The following FBP2 variants were observed in gnomAD, a reference collection of about 807,000 sequenced individuals.
FBP2 encodes the protein fructose-bisphosphatase 2.
A neutral mutation model predicts 31.6 loss-of-function variants in FBP2; 27 were observed. That is an observed-to-expected ratio of 0.85 (90% CI 0.63 to 1.18). FBP2 has a LOEUF of 1.18. Among genes scored for constraint, FBP2 ranks in the 50% most tolerant of loss-of-function variants. The pLI is 0.00. For synonymous variants in FBP2, 168 were observed against 179.8 expected (o/e 0.93, Z 0.53); for missense variants, 421 against 436.1 (o/e 0.97, Z 0.31).
chr9:94,588,387 C>T (rs974019598), intron 1 of FBP2, among the ~76,000 whole-genome samples: 3 of 151,986 alleles, frequency 2.0e-5, no homozygotes, highest in Non-Finnish European at 4.4e-5. Flanking sequence ...TGTGGGAGGC[C>T]AAGGCGTGTA....
At chr9:94,572,129 G>C (rs1350301657) in intron 3 of FBP2, among the ~76,000 whole-genome samples, 19 of 152,150 alleles carry the variant, frequency 1.2e-4, no homozygotes, top group Admixed American at 1.2e-3. Context: ...CTCTGACTCT[G>C]TGGATGCTCC....
intron 4 of FBP2, chr9:94,570,176 T>G (rs1269667864): frequency 6.6e-6 from 1 of 152,242 alleles, no homozygotes; most frequent in Non-Finnish European, 1.5e-5. Context: ...AGAGGCTCTG[T>G]CTGTGCCTGG....
intron 5 of FBP2, among the ~76,000 whole-genome samples, chr9:94,565,450 T>TA (rs1441366845): frequency 1.3e-5 from 2 of 152,178 alleles, no homozygotes; most frequent in Admixed American, 1.3e-4. Context: ...TACATTTTCT[T>TA]ATATTTTTTG....
chr9:94,593,443 G>T, intron 1 of FBP2, 114 bp downstream of exon 1: 3 of 928,324 alleles, frequency 3.2e-6, no homozygotes, highest in Non-Finnish European at 4.6e-6. Flanking sequence ...TCCATCTAGG[G>T]CACACAGGGC....
chr9:94,562,888 C>T (rs139846155), intron 6 of FBP2, among the ~76,000 whole-genome samples: 52 of 152,256 alleles, frequency 3.4e-4, no homozygotes, highest in African/African-American at 1.0e-3. Flanking sequence ...GATACTTGGG[C>T]GGACTTCAGG....
At chr9:94,560,742 A>C (rs1827086079) in intron 6 of FBP2, among the ~76,000 whole-genome samples, 1 of 147,896 alleles carries the variant, frequency 6.8e-6, no homozygotes, top group African/African-American at 2.5e-5. Flanking sequence ...ATTTACATAT[A>C]ATATGTTATA....
chr9:94,560,528 G>C (rs1270818727), intron 6 of FBP2, among the ~76,000 whole-genome samples: 1 of 152,044 alleles, frequency 6.6e-6, no homozygotes, highest in African/African-American at 2.4e-5. Context: ...AGTGCAACCT[G>C]TGTAACTTCC....
chr9:94,589,462 T>A (rs1269323444), intron 1 of FBP2, among the ~76,000 whole-genome samples: 23 of 152,354 alleles, frequency 1.5e-4, no homozygotes, highest in Non-Finnish European at 4.4e-5. Context: ...TCCTGCTGCA[T>A]GACCTGCTTG....
intron 5 of FBP2, among the ~76,000 whole-genome samples, chr9:94,564,219 A>G (rs934171816): frequency 7.9e-5 from 12 of 152,248 alleles, no homozygotes; most frequent in African/African-American, 2.9e-4. Context: ...TAAAATTGGA[A>G]CACACAATCA....
At chr9:94,574,773 T>C (rs1827300470) in intron 3 of FBP2, among the ~76,000 whole-genome samples, 1 of 152,142 alleles carries the variant, frequency 6.6e-6, no homozygotes, top group South Asian at 2.1e-4. Flanking sequence ...ACCAAACTCA[T>C]CAACTCATCT....
intron 3 of FBP2, among the ~76,000 whole-genome samples, chr9:94,583,255 G>GTACA (rs1440117288): frequency 6.6e-6 from 1 of 152,128 alleles, no homozygotes; most frequent in African/African-American, 2.4e-5. Flanking sequence ...ACTAAGTGCT[G>GTACA]TACATACTTC....
chr9:94,587,404 T>G lies in FBP2; in HGVS notation c.236A>C (p.Asn79Thr). Residue 79 changes from asparagine to threonine, a missense_variant, in exon 2 of 7, where the codon AAT becomes ACT. By Grantham distance (65) the Asn-to-Thr change is moderately conservative (BLOSUM62 0). Transcript: ENST00000375337. Reference protein sequence around the residue: ...DEVKKLDVLSNSLVINMVQSS... With the variant: ...DEVKKLDVLSTSLVINMVQSS... ...TTGGACCATGTTGATCACCAGGGAA[T>G]TGGATAGCACATCCAGTTTCTTCAC... The G allele has an allele frequency of 6.2e-7, 1 of 1,613,954 alleles. No individual in the cohort carries two copies. Among genetic ancestry groups the G allele is most frequent in the Non-Finnish European group, 8.5e-7 (1 of 1,179,830 alleles).
chr9:94,567,718 C>A (rs965920928), intron 4 of FBP2: 10 of 296,236 alleles, frequency 3.4e-5, no homozygotes, highest in African/African-American at 1.5e-4. Flanking sequence ...TATGGTGAAC[C>A]CAACTGTGTG....
chr9:94,583,160 A>G (rs1238290155), intron 3 of FBP2, among the ~76,000 whole-genome samples: 1 of 152,120 alleles, frequency 6.6e-6, no homozygotes, highest in Non-Finnish European at 1.5e-5. Context: ...CAGCCTGTTA[A>G]ATATGTATAT....
intron 1 of FBP2, among the ~76,000 whole-genome samples, chr9:94,588,820 T>C (rs982390390): frequency 2.6e-5 from 4 of 152,098 alleles, no homozygotes; most frequent in African/African-American, 7.2e-5. Context: ...TGCGCCCGGG[T>C]TGGCATGGCT....
At chr9:94,590,006 A>G (rs1490979290) in intron 1 of FBP2, among the ~76,000 whole-genome samples, 4 of 152,074 alleles carry the variant, frequency 2.6e-5, no homozygotes, top group Admixed American at 2.6e-4. Context: ...CGGTGGGCAG[A>G]GCTGAGAAAC....
chr9:94,561,383 G>C (rs1267347476), intron 6 of FBP2, among the ~76,000 whole-genome samples: 5 of 34,992 alleles, frequency 1.4e-4, no homozygotes, highest in Non-Finnish European at 2.7e-4. Context: ...TTTTTTTTGA[G>C]ATGGAATCTC....
At chr9:94,593,122 C>T (rs966900389) in intron 1 of FBP2, among the ~76,000 whole-genome samples, 5 of 152,158 alleles carry the variant, frequency 3.3e-5, no homozygotes, top group Admixed American at 1.3e-4. Flanking sequence ...CTTCCTATGT[C>T]GTACATAATT....
intron 1 of FBP2, among the ~76,000 whole-genome samples, chr9:94,593,203 A>G (rs1827520412): frequency 6.6e-6 from 1 of 152,210 alleles, no homozygotes; most frequent in South Asian, 2.1e-4. Flanking sequence ...ATAAAGAGAT[A>G]TTTCACGTCA....
Sources: allele counts gnomAD v4.1 joint callset (sites outside exome capture counted in the v4.1 genomes callset), GRCh38; gene constraint gnomAD v4.1.1; transcripts MANE v1.5; gene names NCBI Gene and HGNC (gene_info 2026-07-23, HGNC 2026-07-21).